The following ADAMTSL3 variants were observed in gnomAD, a reference collection of about 807,000 sequenced individuals.
ADAMTSL3 encodes ADAMTS like 3, also known as ADAMTS-like protein 3.
In ADAMTSL3, 128 loss-of-function variants were observed where a neutral mutation model predicts 201.7. The ratio of observed to expected loss-of-function variants is 0.63; its 90% CI spans 0.55 to 0.73. The LOEUF (loss-of-function observed/expected upper bound fraction) is 0.73, where lower values mean the gene tolerates loss of function less well. Ranked by LOEUF, ADAMTSL3 falls within the 30% of genes least tolerant of loss-of-function variation. The probability of loss-of-function intolerance (pLI) is 0.00; values close to 1 mark genes in which losing one functional copy is unlikely to be tolerated. For synonymous variants in ADAMTSL3, 738 were observed against 748.4 expected (o/e 0.99, Z 0.23); for missense variants, 1,990 against 2,119.6 (o/e 0.94, Z 1.20).
At chr15:83,974,925 C>A (rs1449340966) in intron 20 of ADAMTSL3, among the ~76,000 whole-genome samples, 1 of 151,314 alleles carries the variant, frequency 6.6e-6, no homozygotes, top group African/African-American at 2.4e-5. Flanking sequence ...AGCCCCTTCC[C>A]AGGGCTATCT....
chr15:83,752,820 C>T (rs892204023), intron 3 of ADAMTSL3, among the ~76,000 whole-genome samples: 10 of 152,282 alleles, frequency 6.6e-5, no homozygotes, highest in Admixed American at 5.9e-4. Context: ...TTTACACAAA[C>T]ATTTCTTCTC....
chr15:83,693,112 A>C (rs2061635475), intron 2 of ADAMTSL3, among the ~76,000 whole-genome samples: 1 of 152,038 alleles, frequency 6.6e-6, no homozygotes, highest in Admixed American at 6.6e-5. Flanking sequence ...AATTAACACA[A>C]ATGCATGCGT....
intron 3 of ADAMTSL3, among the ~76,000 whole-genome samples, chr15:83,754,512 A>G (rs2062688152): frequency 6.6e-6 from 1 of 152,172 alleles, no homozygotes. Flanking sequence ...AAAATGTTAG[A>G]TGTTGTTTTA....
At chr15:83,828,639 T>G (rs934579789) in intron 6 of ADAMTSL3, among the ~76,000 whole-genome samples, 2 of 152,176 alleles carry the variant, frequency 1.3e-5, no homozygotes, top group African/African-American at 2.4e-5. Context: ...TTTTTGCCCA[T>G]TCAGTATGAT....
At chr15:83,783,780 A>G (rs1186031000) in intron 4 of ADAMTSL3, among the ~76,000 whole-genome samples, 3 of 151,894 alleles carry the variant, frequency 2.0e-5, no homozygotes, top group South Asian at 2.1e-4. Context: ...GCAAGCTGCC[A>G]TTTAAGAAGT....
chr15:83,687,025 T>TACAA (rs58242834), intron 2 of ADAMTSL3, among the ~76,000 whole-genome samples: 28,771 of 149,724 alleles, frequency 0.19, 5,020 homozygotes, highest in African/African-American at 0.47. Context: ...ACCCTGTCTC[T>TACAA]ACAAACAAAC....
At chr15:83,807,228 G>A (rs972837023) in intron 5 of ADAMTSL3, among the ~76,000 whole-genome samples, 7 of 152,186 alleles carry the variant, frequency 4.6e-5, no homozygotes, top group Admixed American at 4.6e-4. Flanking sequence ...GGCTGAGGCA[G>A]GTGGATCACG....
intron 10 of ADAMTSL3, 145 bp downstream of exon 10, chr15:83,885,357 T>C (rs901423244): frequency 1.5e-6 from 1 of 673,728 alleles, no homozygotes; most frequent in African/African-American, 1.8e-5. Context: ...CTGAATGCAA[T>C]CGTGTTAATG....
At chr15:83,919,344 T>A (rs111917586) in intron 16 of ADAMTSL3, among the ~76,000 whole-genome samples, 1 of 152,074 alleles carries the variant, frequency 6.6e-6, no homozygotes, top group African/African-American at 2.4e-5. Flanking sequence ...CGCAAAAGTC[T>A]ATGAGAAGAG....
chr15:83,991,255 G>A (rs781523922), intron 23 of ADAMTSL3, 41 bp downstream of exon 23: 37 of 1,612,426 alleles, frequency 2.3e-5, no homozygotes, highest in Non-Finnish European at 3.1e-5. Flanking sequence ...TTCAGTGGGA[G>A]GTAAGTGTGG....
intron 10 of ADAMTSL3, among the ~76,000 whole-genome samples, chr15:83,889,812 C>T (rs1380746640): frequency 2.0e-5 from 3 of 152,104 alleles, no homozygotes; most frequent in Admixed American, 6.6e-5. Flanking sequence ...TATTAATTGT[C>T]GTTCTCAATT....
chr15:83,933,921 C>T (rs1332601917), intron 17 of ADAMTSL3, among the ~76,000 whole-genome samples: 2 of 152,188 alleles, frequency 1.3e-5, no homozygotes, highest in Non-Finnish European at 2.9e-5. Context: ...GGAGCCTTTG[C>T]CTAGATTTCA....
Position 83,923,988 on chromosome 15 carries a change from C to T in ADAMTSL3, c.2072C>T (p.Pro691Leu). ...NDSLCDMVHR[P>L]PAMSQACNTE... is the part of the protein sequence containing the mutation. ...AGCTTGTGTGATATGGTCCACCGTC[C>T]TCCAGCCATGAGCCAGGCCTGTAAC... Residue 691 changes from proline (P) to leucine (L), a missense_variant, in exon 17 of 30, where the codon CCT becomes CTT. Pro to Leu is a moderately conservative substitution (Grantham distance 98, BLOSUM62 -3). Transcript: ENST00000286744. 6.2e-7 allele frequency: 1 copy of T among 1,614,130 alleles called. No homozygotes were observed. Among genetic ancestry groups the T allele is most frequent in the Non-Finnish European group, 8.5e-7 (1 of 1,180,006 alleles).
At chr15:84,016,531 T>C (rs1157255092) in intron 25 of ADAMTSL3, 32 bp downstream of exon 25, 1 of 1,535,370 alleles carries the variant, frequency 6.5e-7, no homozygotes, top group South Asian at 1.1e-5. Flanking sequence ...AGATTTGCTA[T>C]GTGTGAGGCA....
intron 19 of ADAMTSL3, among the ~76,000 whole-genome samples, chr15:83,959,472 AG>A (rs1438703626): frequency 2.0e-5 from 3 of 152,224 alleles, no homozygotes; most frequent in African/African-American, 7.2e-5. Flanking sequence ...AAAAGAATCA[AG>A]TCATTTATTA....
At chr15:83,834,849 CAATTAGTAGTT>C (rs2064232511) in intron 6 of ADAMTSL3, among the ~76,000 whole-genome samples, 1 of 152,082 alleles carries the variant, frequency 6.6e-6, no homozygotes, top group Admixed American at 6.6e-5. Flanking sequence ...ATATATCTGT[CAATTAGTAGTT>C]AATAAATCAC....
At chr15:83,750,406 T>C (rs566154681) in intron 3 of ADAMTSL3, among the ~76,000 whole-genome samples, 1 of 152,236 alleles carries the variant, frequency 6.6e-6, no homozygotes, top group East Asian at 1.9e-4. Flanking sequence ...TTTTCCCTTG[T>C]AAGTTTTGCA....
intron 16 of ADAMTSL3, among the ~76,000 whole-genome samples, chr15:83,919,561 TAAGTGA>T (rs1460035882): frequency 6.6e-6 from 1 of 151,994 alleles, no homozygotes; most frequent in Non-Finnish European, 1.5e-5. Flanking sequence ...GAAAGAATGA[TAAGTGA>T]CAGAGTGGAG....
chr15:83,675,905 T>C (rs1192102232), intron 2 of ADAMTSL3, among the ~76,000 whole-genome samples: 1 of 152,184 alleles, frequency 6.6e-6, no homozygotes, highest in African/African-American at 2.4e-5. Context: ...TTCCTTGTTA[T>C]CCTTTTAATG....
Sources: gnomAD v4.1 joint callset for allele counts (sites outside exome capture counted in the v4.1 genomes callset) on GRCh38, gnomAD v4.1.1 for gene constraint, MANE v1.5 for transcripts, NCBI Gene and HGNC (gene_info 2026-07-23, HGNC 2026-07-21) for gene names.